Variants in JAKMIP2 observed in about 807,000 individuals in gnomAD.
JAKMIP2 encodes janus kinase and microtubule interacting protein 2.
In JAKMIP2, 25 loss-of-function variants were observed where a neutral mutation model predicts 115.0. The observed-to-expected ratio is 0.22, with a 90% confidence interval of 0.16 to 0.30. The LOEUF (loss-of-function observed/expected upper bound fraction) is 0.30. Among genes scored for constraint, JAKMIP2 ranks in the 10% least tolerant of loss-of-function variants. The pLI is 1.00. For synonymous variants in JAKMIP2, 334 were observed against 343.6 expected (o/e 0.97, Z 0.31); for missense variants, 642 against 957.6 (o/e 0.67, Z 4.35).
intron 1 of JAKMIP2, among the ~76,000 whole-genome samples, chr5:147,770,031 C>T: frequency 6.6e-6 from 1 of 152,078 alleles, no homozygotes; most frequent in East Asian, 1.9e-4. Context: ...TTAATATTTT[C>T]ATTTGCACTA....
Position 147,721,220 on chromosome 5 carries a change from C to G in JAKMIP2, c.-148-49266G>C, listed in dbSNP as rs573589668. ...AGTCTGCCCGTTCTCAGATCTCCAG[C>G]TGCGTGCTGGGAGAACCACTGCTCT... On this transcript the variant is annotated intron_variant, in intron 1 of 21. Coordinates refer to ENST00000616793, the MANE Select transcript of JAKMIP2 (RefSeq NM_001270941.2). 7.5e-4 allele frequency among the ~76,000 whole-genome samples: 114 copies of G among 151,680 alleles called. 3 individuals carry two copies. The South Asian group carries it at 0.023, about 31-fold the overall frequency.
chr5:147,752,692 C>G (rs921990973), intron 1 of JAKMIP2, among the ~76,000 whole-genome samples: 1 of 151,858 alleles, frequency 6.6e-6, no homozygotes, highest in Admixed American at 6.6e-5. Flanking sequence ...GCCCATGGTG[C>G]GGGGTGGCAC....
intron 20 of JAKMIP2, among the ~76,000 whole-genome samples, chr5:147,611,766 T>C (rs920793874): frequency 2.6e-5 from 4 of 152,122 alleles, no homozygotes; most frequent in African/African-American, 9.7e-5. Flanking sequence ...GTGCCCTCTG[T>C]AAGAGCCATG....
At chr5:147,645,101 G>T in intron 5 of JAKMIP2, 105 bp from the exon 6 acceptor site, 1 of 993,428 alleles carries the variant, frequency 1.0e-6, no homozygotes, top group Non-Finnish European at 1.5e-6. Flanking sequence ...CCTTGTCTCT[G>T]CTTCACTATG....
In JAKMIP2 at chr5:147,632,744, T is replaced by C; in HGVS notation, c.1712A>G (p.Gln571Arg). 1 of 1,613,440 alleles carries C rather than the reference T, an allele frequency of 6.2e-7. No individual in the cohort carries two copies. Among genetic ancestry groups the C allele is most frequent in the South Asian group, 1.1e-5 (1 of 90,966 alleles). Residue 571 changes from glutamine (Q) to arginine (R), a missense_variant, in exon 13 of 22, where the codon CAA becomes CGA. Gln to Arg is a conservative substitution (Grantham distance 43). Transcript: ENST00000616793. ...EKQEAENHRLQQELQDARDQN... is the reference protein window; with the variant it reads ...EKQEAENHRLRQELQDARDQN... ...GTCTCTGGCGTCCTGTAGTTCTTGT[T>C]GTAACCGGTGATTTTCTGCCTCCTG...
intron 17 of JAKMIP2, among the ~76,000 whole-genome samples, chr5:147,622,689 A>G (rs1756908476): frequency 6.6e-6 from 1 of 152,176 alleles, no homozygotes; most frequent in Non-Finnish European, 1.5e-5. Flanking sequence ...CCTTTTGGCT[A>G]TTGTGAATAA....
At chr5:147,707,591 T>C (rs373848404) in intron 1 of JAKMIP2, among the ~76,000 whole-genome samples, 58 of 152,234 alleles carry the variant, frequency 3.8e-4, no homozygotes, top group African/African-American at 1.2e-3. Flanking sequence ...AGAACTGAAA[T>C]ATGTAGCTAC....
At chr5:147,692,932 T>C (rs1478413153) in intron 1 of JAKMIP2, among the ~76,000 whole-genome samples, 2 of 152,222 alleles carry the variant, frequency 1.3e-5, no homozygotes, top group Non-Finnish European at 2.9e-5. Flanking sequence ...GAACAAATCA[T>C]TTCTGTTAGA....
chr5:147,702,694 A>AAAGAAAGAAAGAAAGAAAGAGAAAG (rs1268203224), intron 1 of JAKMIP2, among the ~76,000 whole-genome samples: 1 of 141,126 alleles, frequency 7.1e-6, no homozygotes, highest in Admixed American at 6.8e-5. Context: ...GAAAGAAAAG[A>AAAGAAAGAAAGAAAGAAAGAGAAAG]AAAGAAAAGA....
At position 147,628,832 on chromosome 5, in the gene JAKMIP2, A is replaced by C. The variant is rs1396209796; in HGVS notation, c.1930-16T>G. On this transcript the variant is annotated splice_polypyrimidine_tract_variant and intron_variant, in intron 15 of 21. Coordinates refer to ENST00000616793, the MANE Select transcript of JAKMIP2 (RefSeq NM_001270941.2). ...TTCTTAAATTCTGTAAAAAATAAGA[A>C]AGGCCGTCAGCTGAACATACTGACA... The C allele has an allele frequency of 6.2e-7, 1 of 1,604,118 alleles. No individual in the cohort carries two copies. The highest frequency in any genetic ancestry group is 8.5e-7 in the Non-Finnish European group (1 of 1,171,882).
chr5:147,624,485 G>T (rs994244500), intron 16 of JAKMIP2, among the ~76,000 whole-genome samples: 1 of 152,152 alleles, frequency 6.6e-6, no homozygotes, highest in Non-Finnish European at 1.5e-5. Flanking sequence ...TGGGACAACG[G>T]TAATTTTTCA....
At chr5:147,726,622 T>C (rs914202335) in intron 1 of JAKMIP2, among the ~76,000 whole-genome samples, 1 of 152,202 alleles carries the variant, frequency 6.6e-6, no homozygotes, top group African/African-American at 2.4e-5. Flanking sequence ...TGTACTGCCA[T>C]AAAGAGGAGT....
intron 20 of JAKMIP2, among the ~76,000 whole-genome samples, chr5:147,602,038 G>A (rs4705041): frequency 0.94 from 142,946 of 152,254 alleles, 67,621 homozygotes; most frequent in Non-Finnish European, 1. Flanking sequence ...GTGGTCTTAC[G>A]AACAATTGGT....
intron 4 of JAKMIP2, among the ~76,000 whole-genome samples, chr5:147,650,062 A>G (rs897239624): frequency 2.0e-5 from 3 of 152,178 alleles, no homozygotes; most frequent in African/African-American, 7.2e-5. Context: ...TATGTTTCTT[A>G]TAATAGACTT....
intron 1 of JAKMIP2, among the ~76,000 whole-genome samples, chr5:147,753,230 G>A (rs1056680764): frequency 2.6e-5 from 4 of 152,094 alleles, no homozygotes; most frequent in Non-Finnish European, 4.4e-5. Flanking sequence ...AATAGTAACC[G>A]GTTACTGAGA....
chr5:147,634,965 C>T (rs1561504956), intron 12 of JAKMIP2, among the ~76,000 whole-genome samples: 1 of 152,188 alleles, frequency 6.6e-6, no homozygotes, highest in Non-Finnish European at 1.5e-5. Flanking sequence ...GTTTCCCTTA[C>T]ACAATTGGGC....
intron 20 of JAKMIP2, among the ~76,000 whole-genome samples, chr5:147,610,111 C>T (rs1194624541): frequency 1.3e-5 from 2 of 152,198 alleles, no homozygotes; most frequent in African/African-American, 4.8e-5. Flanking sequence ...AGCTTCCTTA[C>T]ATTGGGTTAT....
At chr5:147,698,987 C>T (rs1162821257) in intron 1 of JAKMIP2, among the ~76,000 whole-genome samples, 4 of 152,142 alleles carry the variant, frequency 2.6e-5, no homozygotes, top group East Asian at 1.9e-4. Context: ...TCACAATCTA[C>T]GTTATCTAAG....
At position 147,591,289 on chromosome 5, in the gene JAKMIP2, G is replaced by A. The variant is rs938330190; in HGVS notation, c.*418C>T. The A allele has an allele frequency of 5.0e-6, 1 of 199,470 alleles. No homozygotes were observed. Among genetic ancestry groups the A allele is most frequent in the African/African-American group, 2.3e-5 (1 of 42,570 alleles). The allele number at this position is 199,470 out of a possible 1,614,324, so 12.4% of individuals were successfully genotyped here. On this transcript the variant is annotated 3_prime_UTR_variant, in exon 22 of 22. Coordinates refer to ENST00000616793, the MANE Select transcript of JAKMIP2 (RefSeq NM_001270941.2). ...ATCAGGACTAGTGTTTCCATGGGGTGTGGTGTTACATTAAAATGACCCCCC... is the reference window on the plus strand; with the variant it reads ...ATCAGGACTAGTGTTTCCATGGGGTATGGTGTTACATTAAAATGACCCCCC...
Sources: gnomAD v4.1 joint callset for allele counts (sites outside exome capture counted in the v4.1 genomes callset) on GRCh38, gnomAD v4.1.1 for gene constraint, MANE v1.5 for transcripts, NCBI Gene and HGNC (gene_info 2026-07-23, HGNC 2026-07-21) for gene names.